Variants in CLYBL observed in about 807,000 individuals in gnomAD.
CLYBL encodes the protein citramalyl-CoA lyase.
A neutral mutation model predicts 38.9 loss-of-function variants in CLYBL; 31 were observed. The ratio of observed to expected loss-of-function variants is 0.80; its 90% CI spans 0.60 to 1.08. CLYBL has a LOEUF of 1.08. CLYBL is among the 50% of genes least tolerant of loss of function. The probability of loss-of-function intolerance (pLI) is 0.00; values close to 1 mark genes in which losing one functional copy is unlikely to be tolerated. For synonymous variants in CLYBL, 171 were observed against 158.6 expected (o/e 1.08, Z -0.59); for missense variants, 434 against 411.6 (o/e 1.05, Z -0.47).
At chr13:99,896,851 T>A (rs1566371891), downstream of CLYBL, 1 of 152,228 alleles carries the variant, frequency 6.6e-6, no homozygotes. Flanking sequence ...AGAGTAAAGA[T>A]GTCGCCGAAC....
intron 1 of CLYBL, among the ~76,000 whole-genome samples, chr13:99,763,548 C>CTTTTTT (rs59409196): frequency 1.7e-5 from 2 of 116,166 alleles, no homozygotes; most frequent in African/African-American, 3.3e-5. Flanking sequence ...TCTTTTTATT[C>CTTTTTT]TTTTTTTTTT....
intron 1 of CLYBL, among the ~76,000 whole-genome samples, chr13:99,708,145 A>AT (rs1187066735): frequency 3.3e-5 from 5 of 151,888 alleles, no homozygotes; most frequent in Admixed American, 6.6e-5. Flanking sequence ...CACCCGGCTA[A>AT]TTTTTTTGTA....
At chr13:99,679,304 AAAAAG>A (rs111539436) in intron 1 of CLYBL, among the ~76,000 whole-genome samples, 1 of 137,740 alleles carries the variant, frequency 7.3e-6, no homozygotes, top group African/African-American at 2.7e-5. Context: ...AAAAAAAAAA[AAAAAG>A]AAAAGAAAAA....
At chr13:99,656,649 TGA>T (rs1333317928) in intron 1 of CLYBL, among the ~76,000 whole-genome samples, 1 of 152,236 alleles carries the variant, frequency 6.6e-6, no homozygotes, top group African/African-American at 2.4e-5. Flanking sequence ...TCAGTCACTC[TGA>T]GGGTATGTTT....
In CLYBL at chr13:99,870,999, T is replaced by G. The variant is rs765137102; in HGVS notation, c.864T>G (p.Pro288=). 6.2e-7 allele frequency: 1 copy of G among 1,613,732 alleles called. No individual in the cohort carries two copies. The highest frequency in any genetic ancestry group is 1.1e-5 in the South Asian group (1 of 91,018). Residue 288 remains proline (P), a synonymous_variant, in exon 7 of 9, where the codon CCT becomes CCG. Coordinates refer to ENST00000339105, the MANE Select transcript of CLYBL (RefSeq NM_206808.5). The part of the protein sequence containing the change: ...AVVQEQFSPS[P]EKIKWAEELI... Reference sequence around the variant, plus strand: ...TCCAGGAGCAGTTTTCTCCTTCCCCTGAAAAAATTAAGTGGGCTGAAGAAC... The same window carrying G: ...TCCAGGAGCAGTTTTCTCCTTCCCCGGAAAAAATTAAGTGGGCTGAAGAAC...
chr13:99,876,745 G>GT (rs1341607211), intron 7 of CLYBL, among the ~76,000 whole-genome samples: 1 of 152,102 alleles, frequency 6.6e-6, no homozygotes, highest in Non-Finnish European at 1.5e-5. Context: ...GCAGAATTCA[G>GT]GGCTTAGTTT....
At chr13:99,608,087 C>T (rs9513639) in intron 1 of CLYBL, among the ~76,000 whole-genome samples, 4,063 of 67,108 alleles carry the variant, frequency 0.061, 88 homozygotes, top group African/African-American at 0.092. Flanking sequence ...TTTTTTTTTT[C>T]CGAGATGGAG....
intron 1 of CLYBL, among the ~76,000 whole-genome samples, chr13:99,744,115 G>A (rs2048808177): frequency 6.6e-6 from 1 of 151,926 alleles, no homozygotes; most frequent in African/African-American, 2.4e-5. Context: ...TGGGACTACA[G>A]GCGCCCGCCA....
chr13:99,741,498 A>ACTTACAGGAAATAC lies in CLYBL; in HGVS notation c.63-31323_63-31310dup, dbSNP rs551006191. 1.4e-3 allele frequency among the ~76,000 whole-genome samples: 213 copies of ACTTACAGGAAATAC among 151,772 alleles called. 1 individual carries two copies. Among genetic ancestry groups the ACTTACAGGAAATAC allele is most frequent in the African/African-American group, 4.9e-3 (201 of 41,356 alleles). ...GCTGACTGCTGAATAAAAGGTTTAA[A>ACTTACAGGAAATAC]CTTACAGGAAATACCTCTCAACACA... On this transcript the variant is annotated intron_variant, in intron 1 of 8. Coordinates refer to ENST00000339105, the MANE Select transcript of CLYBL (RefSeq NM_206808.5).
chr13:99,647,282 A>G (rs573174285), intron 1 of CLYBL, among the ~76,000 whole-genome samples: 20 of 152,340 alleles, frequency 1.3e-4, no homozygotes, highest in African/African-American at 4.8e-4. Flanking sequence ...GCTTGTTCAT[A>G]GGCAGCAGAG....
intron 2 of CLYBL, among the ~76,000 whole-genome samples, chr13:99,844,471 C>T (rs2051153316): frequency 6.6e-6 from 1 of 152,206 alleles, no homozygotes; most frequent in Non-Finnish European, 1.5e-5. Flanking sequence ...TCCCCAAGCC[C>T]CTGGTGTTGG....
At chr13:99,747,090 A>G (rs958519925) in intron 1 of CLYBL, among the ~76,000 whole-genome samples, 6 of 152,154 alleles carry the variant, frequency 3.9e-5, no homozygotes, top group African/African-American at 1.4e-4. Flanking sequence ...TCTCTCACCA[A>G]AAGTAGAGCC....
intron 2 of CLYBL, among the ~76,000 whole-genome samples, chr13:99,833,003 C>CATAT (rs1566345646): frequency 1.2e-4 from 9 of 73,306 alleles, no homozygotes; most frequent in African/African-American, 4.7e-4. Flanking sequence ...TACATACATA[C>CATAT]ATACATATAT....
intron 1 of CLYBL, among the ~76,000 whole-genome samples, chr13:99,771,285 G>A (rs932352763): frequency 6.6e-6 from 1 of 152,092 alleles, no homozygotes; most frequent in African/African-American, 2.4e-5. Flanking sequence ...GGGCTCAAGT[G>A]ATCTGCCTGC....
intron 1 of CLYBL, among the ~76,000 whole-genome samples, chr13:99,678,890 C>T (rs536052952): frequency 7.2e-5 from 11 of 152,232 alleles, no homozygotes; most frequent in African/African-American, 2.4e-4. Context: ...CATTTATTCA[C>T]TGACTAGATA....
chr13:99,657,139 C>T (rs553782060), intron 1 of CLYBL, among the ~76,000 whole-genome samples: 52 of 152,274 alleles, frequency 3.4e-4, no homozygotes, highest in African/African-American at 1.3e-3. Context: ...AACAGTGCTC[C>T]GAGCCCCACT....
At chr13:99,731,944 A>C (rs1209698160) in intron 1 of CLYBL, among the ~76,000 whole-genome samples, 1 of 152,084 alleles carries the variant, frequency 6.6e-6, no homozygotes, top group Admixed American at 6.5e-5. Context: ...TGATGTGGTG[A>C]CATACTTTGG....
In CLYBL at chr13:99,872,001, A is replaced by G. The variant is rs921711386; in HGVS notation, c.927+939A>G. ...AACATTCCCCCCTGCAAAAAAAAAAAAAAAAGAAAAAGAAAAACTGGTTTT... is the reference window on the plus strand; with the variant it reads ...AACATTCCCCCCTGCAAAAAAAAAAGAAAAAGAAAAAGAAAAACTGGTTTT... On this transcript the variant is annotated intron_variant, in intron 7 of 8. Coordinates refer to ENST00000339105, the MANE Select transcript of CLYBL (RefSeq NM_206808.5). 2.1e-4 allele frequency among the ~76,000 whole-genome samples: 30 copies of G among 142,528 alleles called. No homozygotes were observed. In the East Asian group the frequency reaches 5.5e-3, roughly 26 times the overall value. 93.5% of individuals were successfully genotyped at this position (142,528 alleles called of 152,430 possible). A position where few individuals can be genotyped will look rare whatever the true frequency, so the allele number is the denominator to read the frequency against.
At position 99,891,455 on chromosome 13, in the gene CLYBL, A is replaced by C; in HGVS notation, c.*24+18A>C. ...GTCATCAGGTGGGCTGAACATATAC[A>C]GTGGGGTTCTTAAAGACAAACCACA... is the stretch of plus-strand genomic sequence containing the variant. On this transcript the variant is annotated intron_variant, in intron 8 of 8. Transcript: ENST00000339105. The C allele has an allele frequency of 7.0e-7, 1 of 1,427,296 alleles. No homozygotes were observed. Among genetic ancestry groups the C allele is most frequent in the Non-Finnish European group, 9.9e-7 (1 of 1,010,690 alleles). 88.4% of individuals were successfully genotyped at this position (1,427,296 alleles called of 1,614,324 possible). A position where few individuals can be genotyped will look rare whatever the true frequency, so the allele number is the denominator to read the frequency against.
Sources: gnomAD v4.1 joint callset for allele counts (sites outside exome capture counted in the v4.1 genomes callset) on GRCh38, gnomAD v4.1.1 for gene constraint, MANE v1.5 for transcripts, NCBI Gene and HGNC (gene_info 2026-07-23, HGNC 2026-07-21) for gene names.